BZW1: variants seen among roughly 807,000 people sequenced by gnomAD.
BZW1 encodes the protein basic leucine zipper and W2 domains 1.
BZW1 carries 3 observed loss-of-function variants against 54.1 expected under a neutral mutation model. That is an observed-to-expected ratio of 0.06 (90% CI 0.03 to 0.14). The LOEUF is 0.14. BZW1 is among the 10% of genes least tolerant of loss of function. The probability of loss-of-function intolerance (pLI) is 1.00; values close to 1 mark genes in which losing one functional copy is unlikely to be tolerated. For missense variants in BZW1, 206 were observed against 491.7 expected, an observed-to-expected ratio of 0.42 and a Z score of 5.50; for synonymous variants, 152 against 162.7, an observed-to-expected ratio of 0.93 and a Z score of 0.50.
chr2:200,812,837 G>A (rs1575046001), intron 1 of BZW1: 1 of 666,620 alleles, frequency 1.5e-6, no homozygotes, highest in Non-Finnish European at 2.8e-6. Flanking sequence ...TGCTGACTAT[G>A]GTGATAATCT....
chr2:200,824,017 A>G lies in BZW1; in HGVS notation c.*1839A>G, dbSNP rs935790113. 3.9e-5 allele frequency: 6 copies of G among 152,130 alleles called. No individual in the cohort carries two copies. The highest frequency in any genetic ancestry group is 1.4e-4 in the African/African-American group (6 of 41,432). The allele number at this position is 152,130 out of a possible 1,614,324, so 9.4% of individuals were successfully genotyped here. A position where few individuals can be genotyped will look rare whatever the true frequency, so the allele number is the denominator to read the frequency against. On this transcript the variant is annotated 3_prime_UTR_variant, in exon 12 of 12. Transcript: ENST00000409600. ...CTAAAACTACATTAATATTTCTACA[A>G]CCAATTCATTGCATGTTTCTTCCAT...
At position 200,824,078 on chromosome 2, in the gene BZW1, A is replaced by G. The variant is rs1482936174; in HGVS notation, c.*1900A>G. The G allele has an allele frequency of 2.0e-5, 3 of 152,184 alleles. No homozygotes were observed. Among genetic ancestry groups the G allele is most frequent in the African/African-American group, 7.2e-5 (3 of 41,444 alleles). The allele number at this position is 152,184 out of a possible 1,614,324, so 9.4% of individuals were successfully genotyped here. ...CCATTTTATACTGTGTATAGTGAAA[A>G]AGTGTGTCATCTTCCAGAACTACAT... On this transcript the variant is annotated 3_prime_UTR_variant, in exon 12 of 12. Coordinates refer to ENST00000409600, the MANE Select transcript of BZW1 (RefSeq NM_001207067.2).
At position 200,827,020 on chromosome 2, in the gene BZW1, A is replaced by C. The variant is rs2038719617; in HGVS notation, c.*4842A>C. On this transcript the variant is annotated 3_prime_UTR_variant, in exon 12 of 12. Coordinates refer to ENST00000409600, the MANE Select transcript of BZW1 (RefSeq NM_001207067.2). ...CCTGTTGGAAATAAGTGATTCATTT[A>C]TAGACTGAAGCCTCTATGACTTCAA... 1 of 152,088 alleles carries C rather than the reference A, an allele frequency of 6.6e-6. No individual in the cohort carries two copies. The highest frequency in any genetic ancestry group is 1.5e-5 in the Non-Finnish European group (1 of 68,012). 9.4% of individuals were successfully genotyped at this position (152,088 alleles called of 1,614,324 possible). A position where few individuals can be genotyped will look rare whatever the true frequency, so the allele number is the denominator to read the frequency against.
At position 200,817,285 on chromosome 2, in the gene BZW1, G is replaced by T. The variant is rs1333464312; in HGVS notation, c.538+44G>T. On this transcript the variant is annotated intron_variant, in intron 6 of 11. Coordinates refer to ENST00000409600, the MANE Select transcript of BZW1 (RefSeq NM_001207067.2). ...TGGTCTTCAGTTGACTCAGAGTGGG[G>T]TGGATAAGAGCATGGTTTACTGTTC... 7 of 1,597,190 alleles carry T rather than the reference G, an allele frequency of 4.4e-6. No homozygotes were observed. In the East Asian group the frequency reaches 8.9e-5, roughly 20 times the overall value.
In BZW1 at chr2:200,823,204, C is replaced by T. The variant is rs1400230520; in HGVS notation, c.*1026C>T. 3 of 164,906 alleles carry T rather than the reference C, an allele frequency of 1.8e-5. No individual in the cohort carries two copies. Among genetic ancestry groups the T allele is most frequent in the Non-Finnish European group, 4.4e-5 (3 of 68,040 alleles). 10.2% of individuals were successfully genotyped at this position (164,906 alleles called of 1,614,324 possible). On this transcript the variant is annotated 3_prime_UTR_variant, in exon 12 of 12. Coordinates refer to ENST00000409600, the MANE Select transcript of BZW1 (RefSeq NM_001207067.2). ...AGTATTTGCTATAACAAATGAAGTG[C>T]AATGACAATTATATATTCCTACTCG...
intron 1 of BZW1, chr2:200,812,301 T>TTG: frequency 8.0e-7 from 1 of 1,246,838 alleles, no homozygotes; most frequent in Non-Finnish European, 1.0e-6. Context: ...GCGGCCTCTG[T>TTG]TGTGTGATGT....
rs1421682820 is a variant in BZW1, at chr2:200,826,426, T to TGATAGATAGATAGA, written c.*4248_*4249insGATAGATAGATAGA. The TGATAGATAGATAGA allele has an allele frequency of 3.9e-5, 5 of 127,752 alleles. No individual in the cohort carries two copies. The highest frequency in any genetic ancestry group is 1.2e-4 in the African/African-American group (4 of 33,380). 7.9% of individuals were successfully genotyped at this position (127,752 alleles called of 1,614,324 possible). On this transcript the variant is annotated 3_prime_UTR_variant, in exon 12 of 12. Transcript: ENST00000409600. ...ATAGATATTTTTTTTTTTTTTTTTTTTTTTTTTTTTTTTTTTGAGACAGAG... is the reference window on the plus strand; with the variant it reads ...ATAGATATTTTTTTTTTTTTTTTTTTGATAGATAGATAGATTTTTTTTTTTTTTTTGAGACAGAG...
chr2:200,822,411 A>G lies in BZW1; in HGVS notation c.*233A>G, dbSNP rs1252261432. 2.6e-5 allele frequency: 10 copies of G among 381,148 alleles called. No homozygotes were observed. The Admixed American group carries it at 5.1e-4, about 19-fold the overall frequency. 23.6% of individuals were successfully genotyped at this position (381,148 alleles called of 1,614,324 possible). On this transcript the variant is annotated 3_prime_UTR_variant, in exon 12 of 12. Transcript: ENST00000409600. ...ATAGATTTGAATCTAATGTTGCATT[A>G]GTCTTTTCAGTTATCTTCTACCTCC...
chr2:200,825,104 A>G lies in BZW1; in HGVS notation c.*2926A>G, dbSNP rs12995960. On this transcript the variant is annotated 3_prime_UTR_variant, in exon 12 of 12. Transcript: ENST00000409600. ...GTTTTGGAGACAGTCTCACTCTGTT[A>G]CCTGGGCTGGAGTGCAATGGCATGA... 102,153 of 152,286 alleles carry G rather than the reference A, an allele frequency of 0.67. 34,750 individuals are homozygous for G. The highest frequency in any genetic ancestry group is 0.72 in the Non-Finnish European group (49,497 of 68,288). 9.4% of individuals were successfully genotyped at this position (152,286 alleles called of 1,614,324 possible).
intron 2 of BZW1, among the ~76,000 whole-genome samples, chr2:200,815,129 A>G (rs2038236722): frequency 1.3e-5 from 2 of 152,244 alleles, no homozygotes; most frequent in African/African-American, 4.8e-5. Context: ...AACACAAGAC[A>G]CTAGCACATT....
chr2:200,813,902 A>G (rs1433985565), intron 2 of BZW1, among the ~76,000 whole-genome samples: 1 of 152,250 alleles, frequency 6.6e-6, no homozygotes, highest in Non-Finnish European at 1.5e-5. Context: ...GGTCAAAAGC[A>G]TATTAACCTT....
intron 9 of BZW1, chr2:200,819,114 A>T (rs1032042923): frequency 1.8e-6 from 1 of 566,780 alleles, no homozygotes; most frequent in African/African-American, 2.0e-5. Context: ...TGGCCTGGCC[A>T]GGCACAATGG....
Position 200,818,192 on chromosome 2 carries a change from GA to G in BZW1, c.649-28del, listed in dbSNP as rs746833593. The G allele has an allele frequency of 4.6e-6, 7 of 1,528,820 alleles. No homozygotes were observed. In the East Asian group the frequency reaches 1.7e-4, roughly 37 times the overall value. 94.7% of individuals were successfully genotyped at this position (1,528,820 alleles called of 1,614,324 possible). ...AGTGTTTTTCTTAATCTGATTTAAA[GA>G]AAGTTTAACCAGATAAATTCTTCTT... On this transcript the variant is annotated intron_variant, in intron 7 of 11. Transcript: ENST00000409600.
intron 10 of BZW1, 160 bp downstream of exon 10, chr2:200,820,280 T>A: frequency 1.7e-6 from 1 of 592,164 alleles, no homozygotes; most frequent in Admixed American, 3.4e-5. Flanking sequence ...AGTGCACTGA[T>A]ACTTGTTTAA....
chr2:200,819,069 A>C, intron 9 of BZW1, 168 bp downstream of exon 9: 1 of 827,262 alleles, frequency 1.2e-6, no homozygotes, highest in Non-Finnish European at 1.8e-6. Flanking sequence ...AATGCTCTGA[A>C]TTGGGCTGTG....
chr2:200,818,119 A>G (rs1195722100), intron 7 of BZW1, 36 bp downstream of exon 7: 1 of 1,528,570 alleles, frequency 6.5e-7, no homozygotes, highest in East Asian at 2.5e-5. Context: ...CATTCTTGCC[A>G]AGGATGTAAA....
At chr2:200,812,351 C>T (rs2038100942) in intron 1 of BZW1, 9 of 1,273,116 alleles carry the variant, frequency 7.1e-6, no homozygotes, top group Admixed American at 4.1e-5. Flanking sequence ...GAGGGGCTGC[C>T]ACCCACCACC....
Position 200,815,660 on chromosome 2 carries a change from A to T in BZW1, c.242-7A>T, listed in dbSNP as rs999872411. 6.3e-7 allele frequency: 1 copy of T among 1,589,746 alleles called. No individual in the cohort carries two copies. The highest frequency in any genetic ancestry group is 8.6e-7 in the Non-Finnish European group (1 of 1,167,332). On this transcript the variant is annotated splice_polypyrimidine_tract_variant and splice_region_variant and intron_variant, in intron 3 of 11. Transcript: ENST00000409600. The stretch of plus-strand genomic sequence containing the variant: ...TTTTGTTGTATTTTGGTTTTATCCA[A>T]CTTTAGCCCCAGGTGGTACACTGGC...
In BZW1 at chr2:200,824,211, G is replaced by A. The variant is rs1231276513; in HGVS notation, c.*2033G>A. 1 of 152,092 alleles carries A rather than the reference G, an allele frequency of 6.6e-6. No homozygotes were observed. The highest frequency in any genetic ancestry group is 2.1e-4 in the South Asian group (1 of 4,826). 9.4% of individuals were successfully genotyped at this position (152,092 alleles called of 1,614,324 possible). On this transcript the variant is annotated 3_prime_UTR_variant, in exon 12 of 12. Coordinates refer to ENST00000409600, the MANE Select transcript of BZW1 (RefSeq NM_001207067.2). The stretch of plus-strand genomic sequence containing the variant: ...TTGTGACAGTAATAGTGTAAAGAAA[G>A]GGAATGCTTTATAAAAAGATTGCAG...
Sources: allele counts gnomAD v4.1 joint callset (sites outside exome capture counted in the v4.1 genomes callset), GRCh38; gene constraint gnomAD v4.1.1; transcripts MANE v1.5; gene names NCBI Gene and HGNC (gene_info 2026-07-23, HGNC 2026-07-21).